CDH13: variants seen among roughly 807,000 people sequenced by gnomAD.
The protein encoded by CDH13 is cadherin-13.
CDH13 carries 24 observed loss-of-function variants against 63.8 expected under a neutral mutation model. The ratio of observed to expected loss-of-function variants is 0.38; its 90% CI spans 0.27 to 0.53. The LOEUF is 0.53. Ranked by LOEUF, CDH13 falls within the 20% of genes least tolerant of loss-of-function variation. CDH13 has a pLI of 0.85. For synonymous variants in CDH13, 503 were observed against 355.3 expected (o/e 1.42, Z -4.67); for missense variants, 1,049 against 903.1 (o/e 1.16, Z -2.07).
At chr16:82,816,155 C>G (rs1483349346) in intron 1 of CDH13, among the ~76,000 whole-genome samples, 1 of 152,142 alleles carries the variant, frequency 6.6e-6, no homozygotes. Flanking sequence ...GGGTCAGCCT[C>G]TCTCTTACGT....
At chr16:82,752,919 A>G (rs904259871) in intron 1 of CDH13, among the ~76,000 whole-genome samples, 2 of 152,266 alleles carry the variant, frequency 1.3e-5, no homozygotes, top group African/African-American at 4.8e-5. Flanking sequence ...CCATGCAGAT[A>G]TAATAGATAA....
At chr16:83,133,392 T>G (rs2036143634) in intron 4 of CDH13, among the ~76,000 whole-genome samples, 2 of 152,212 alleles carry the variant, frequency 1.3e-5, no homozygotes, top group African/African-American at 4.8e-5. Flanking sequence ...TTTTCACTTT[T>G]TTTTTAACGT....
At chr16:83,203,178 C>T (rs938398376) in intron 4 of CDH13, among the ~76,000 whole-genome samples, 1 of 151,380 alleles carries the variant, frequency 6.6e-6, no homozygotes, top group South Asian at 2.1e-4. Context: ...GAGCTGAGGT[C>T]GCACCATTGC....
chr16:83,078,597 T>C (rs2033018534), intron 3 of CDH13, among the ~76,000 whole-genome samples: 1 of 152,176 alleles, frequency 6.6e-6, no homozygotes, highest in South Asian at 2.1e-4. Flanking sequence ...CACAGACCAG[T>C]ACCGGTCCAT....
At chr16:82,784,464 C>A (rs765704542) in intron 1 of CDH13, among the ~76,000 whole-genome samples, 1 of 152,180 alleles carries the variant, frequency 6.6e-6, no homozygotes, top group African/African-American at 2.4e-5. Flanking sequence ...CTCCCCCACA[C>A]CCTGCTTTCA....
chr16:82,889,003 A>C (rs1196654605), intron 2 of CDH13, among the ~76,000 whole-genome samples: 1 of 152,062 alleles, frequency 6.6e-6, no homozygotes, highest in Admixed American at 6.5e-5. Context: ...AGTTTGCCTT[A>C]TTTACTTCCC....
chr16:83,660,353 G>C (rs1474227942), intron 8 of CDH13, among the ~76,000 whole-genome samples: 1 of 152,140 alleles, frequency 6.6e-6, no homozygotes, highest in Non-Finnish European at 1.5e-5. Flanking sequence ...TCAAGTATTA[G>C]ATTCTCATGA....
chr16:83,171,435 A>T, intron 4 of CDH13: 1 of 1,133,780 alleles, frequency 8.8e-7, no homozygotes, highest in Non-Finnish European at 1.3e-6. Context: ...GGGTGAGGAC[A>T]CAGATCCAAA....
intron 2 of CDH13, among the ~76,000 whole-genome samples, chr16:82,872,232 G>A (rs1397673428): frequency 2.0e-5 from 3 of 152,182 alleles, no homozygotes; most frequent in Non-Finnish European, 4.4e-5. Flanking sequence ...GGTGGCAGGG[G>A]ATAAGGACAG....
chr16:83,138,558 G>A (rs1479114340), intron 4 of CDH13, among the ~76,000 whole-genome samples: 3 of 152,200 alleles, frequency 2.0e-5, no homozygotes, highest in Non-Finnish European at 2.9e-5. Context: ...ATAATTCAAA[G>A]TGGCTGTGAT....
intron 10 of CDH13, among the ~76,000 whole-genome samples, chr16:83,716,376 A>G (rs1908901075): frequency 6.6e-6 from 1 of 152,192 alleles, no homozygotes; most frequent in Admixed American, 6.5e-5. Context: ...TTGTAATACC[A>G]TGCAGAGTAG....
At chr16:83,117,023 G>A (rs113238718) in intron 3 of CDH13, among the ~76,000 whole-genome samples, 17 of 152,340 alleles carry the variant, frequency 1.1e-4, no homozygotes, top group African/African-American at 4.1e-4. Flanking sequence ...CTGAGCTACA[G>A]TGAATGTAGC....
At position 83,780,157 on chromosome 16, in the gene CDH13, A is replaced by G. The variant is rs181696436; in HGVS notation, c.1871A>G (p.Lys624Arg). The change falls in exon 12 of 14, where the codon AAA becomes AGA. Residue 624 changes from lysine (K) to arginine (R), a missense_variant. By Grantham distance (26) the Lys-to-Arg change is conservative (BLOSUM62 2). Transcript: ENST00000567109. ...GATCCTTTCAAATTTGAAATCCACA[A>G]ACAAGCTGTTCCTGATAAAGTCTGG... ...NTDPFKFEIH[K>R]QAVPDKVWKI... 18 of 1,610,706 alleles carry G rather than the reference A, an allele frequency of 1.1e-5. No individual in the cohort carries two copies. The Admixed American group carries it at 1.3e-4, about 12-fold the overall frequency.
At chr16:83,327,045 C>T (rs2090379333) in intron 5 of CDH13, among the ~76,000 whole-genome samples, 2 of 152,152 alleles carry the variant, frequency 1.3e-5, no homozygotes, top group South Asian at 4.1e-4. Flanking sequence ...GTAAGAATGG[C>T]AGAGGGATTT....
At chr16:83,610,961 G>GT (rs1459057530) in intron 8 of CDH13, among the ~76,000 whole-genome samples, 1 of 152,084 alleles carries the variant, frequency 6.6e-6, no homozygotes, top group African/African-American at 2.4e-5. Context: ...GGTTTTATCA[G>GT]TTTTTTGGTT....
chr16:83,460,695 A>C (rs2073153171), intron 6 of CDH13, among the ~76,000 whole-genome samples: 1 of 152,160 alleles, frequency 6.6e-6, no homozygotes, highest in Non-Finnish European at 1.5e-5. Flanking sequence ...TGAATAATAG[A>C]TTTAAAATTG....
chr16:83,016,997 G>A (rs1914871529), intron 2 of CDH13, among the ~76,000 whole-genome samples: 1 of 152,198 alleles, frequency 6.6e-6, no homozygotes, highest in African/African-American at 2.4e-5. Flanking sequence ...AATAGCAGGT[G>A]TTGATCCGTA....
chr16:83,061,614 G>T (rs1752311262), intron 3 of CDH13, among the ~76,000 whole-genome samples: 1 of 152,176 alleles, frequency 6.6e-6, no homozygotes, highest in Admixed American at 6.5e-5. Context: ...ATGCAAAATT[G>T]TCACCAAATG....
intron 8 of CDH13, among the ~76,000 whole-genome samples, chr16:83,661,280 C>A (rs74838996): frequency 0.16 from 23,967 of 152,046 alleles, 2,258 homozygotes; most frequent in Middle Eastern, 0.27. Flanking sequence ...TGAGCCCAGG[C>A]ATTCGAGGCC....
Sources: allele counts gnomAD v4.1 joint callset (sites outside exome capture counted in the v4.1 genomes callset), GRCh38; gene constraint gnomAD v4.1.1; transcripts MANE v1.5; gene names NCBI Gene and HGNC (gene_info 2026-07-23, HGNC 2026-07-21).